The following RAP1GAP2 variants were observed in gnomAD, a reference collection of about 807,000 sequenced individuals.
RAP1GAP2 encodes the protein rap1 GTPase-activating protein 2.
A neutral mutation model predicts 95.0 loss-of-function variants in RAP1GAP2; 27 were observed. That is an observed-to-expected ratio of 0.28 (90% CI 0.21 to 0.39). The LOEUF (loss-of-function observed/expected upper bound fraction) is 0.39, where lower values mean the gene tolerates loss of function less well. RAP1GAP2 is among the 10% of genes least tolerant of loss of function. RAP1GAP2 has a pLI of 1.00. For missense variants in RAP1GAP2, 771 were observed against 970.0 expected (o/e 0.79, Z 2.72); for synonymous variants, 373 against 380.9 (o/e 0.98, Z 0.24).
At chr17:2,765,944 G>A (rs2068267785) in intron 1 of RAP1GAP2, among the ~76,000 whole-genome samples, 1 of 152,076 alleles carries the variant, frequency 6.6e-6, no homozygotes, top group African/African-American at 2.4e-5. Flanking sequence ...ACTCCAGCCT[G>A]GGTGACAGAG....
chr17:2,870,057 C>T lies in RAP1GAP2; in HGVS notation c.81-35227C>T, dbSNP rs565865802. ...CTCAGGGGTGGGAATCTGTATGGCC[C>T]CTGACCCCGGCATGGCCTCAGAACC... On this transcript the variant is annotated intron_variant, in intron 2 of 24. Coordinates refer to ENST00000254695, the MANE Select transcript of RAP1GAP2 (RefSeq NM_015085.5). This position sits in a 1 kb window ranked among gnomAD's most constrained non-coding sequence, Gnocchi z 4.4. 1.5e-3 allele frequency among the ~76,000 whole-genome samples: 234 copies of T among 151,918 alleles called. No homozygotes were observed. Among genetic ancestry groups the T allele is most frequent in the Admixed American group, 3.0e-3 (46 of 15,268 alleles).
intron 3 of RAP1GAP2, among the ~76,000 whole-genome samples, chr17:2,924,212 GA>G (rs2042881195): frequency 6.6e-6 from 1 of 152,222 alleles, no homozygotes; most frequent in Non-Finnish European, 1.5e-5. Context: ...TGGGAACTTT[GA>G]GAGTGCTCCT....
In RAP1GAP2 at chr17:2,874,597, C is replaced by T. The variant is rs528494431; in HGVS notation, c.81-30687C>T. On this transcript the variant is annotated intron_variant, in intron 2 of 24. Transcript: ENST00000254695. ...TGGAAAAGGGGGAGGGAGAAAGGAC[C>T]CGATCAAGGTCAACAGCCTGAACCA... Among the ~76,000 whole-genome samples, 7 of 152,190 alleles carry T rather than the reference C, an allele frequency of 4.6e-5. No individual in the cohort carries two copies. In the East Asian group the frequency reaches 1.4e-3, roughly 29 times the overall value.
At chr17:2,788,059 T>C (rs2068832860) in intron 1 of RAP1GAP2, among the ~76,000 whole-genome samples, 1 of 152,224 alleles carries the variant, frequency 6.6e-6, no homozygotes, top group Non-Finnish European at 1.5e-5. Flanking sequence ...TTAACATCTG[T>C]ATACATAGAT....
intron 1 of RAP1GAP2, among the ~76,000 whole-genome samples, chr17:2,757,896 G>A (rs2071174628): frequency 6.6e-6 from 1 of 150,658 alleles, no homozygotes; most frequent in Admixed American, 6.6e-5. Flanking sequence ...TTGAGATGGA[G>A]TCTCACACTG....
intron 2 of RAP1GAP2, among the ~76,000 whole-genome samples, chr17:2,882,839 G>A (rs1451264848): frequency 1.3e-5 from 2 of 152,222 alleles, no homozygotes; most frequent in African/African-American, 4.8e-5. Flanking sequence ...GAGGGAAGTA[G>A]GGACTCAAAC....
chr17:2,936,801 G>A (rs959448380), intron 3 of RAP1GAP2, among the ~76,000 whole-genome samples: 1 of 152,158 alleles, frequency 6.6e-6, no homozygotes, highest in Non-Finnish European at 1.5e-5. Context: ...CCTTGCAGGA[G>A]AGCCATTGCC....
chr17:2,913,350 G>A (rs1318135101), intron 3 of RAP1GAP2, among the ~76,000 whole-genome samples: 3 of 151,994 alleles, frequency 2.0e-5, no homozygotes, highest in South Asian at 2.1e-4. Flanking sequence ...GTGCAGTGGC[G>A]TAATCTCAGC....
At position 2,798,140 on chromosome 17, in the gene RAP1GAP2, C is replaced by G. The variant is rs183709466; in HGVS notation, c.44+1569C>G. Among the ~76,000 whole-genome samples the G allele has an allele frequency of 2.0e-3, 309 of 152,348 alleles. 1 individual carries two copies. The highest frequency in any genetic ancestry group is 7.0e-3 in the African/African-American group (292 of 41,588). On this transcript the variant is annotated intron_variant, in intron 1 of 24. Transcript: ENST00000254695. ...AGAAAGCAGAATTCCAAGTTCTTCT[C>G]TAGCAGCCCTTCTCACTGGGGCTTC... is the stretch of plus-strand genomic sequence containing the variant.
chr17:3,005,456 T>G lies in RAP1GAP2; in HGVS notation c.1272+16T>G. The G allele has an allele frequency of 6.2e-7, 1 of 1,606,392 alleles. No homozygotes were observed. Among genetic ancestry groups the G allele is most frequent in the Non-Finnish European group, 8.5e-7 (1 of 1,172,988 alleles). On this transcript the variant is annotated intron_variant, in intron 15 of 24. Coordinates refer to ENST00000254695, the MANE Select transcript of RAP1GAP2 (RefSeq NM_015085.5). The surrounding 1 kb of genome is among the most constrained non-coding windows in gnomAD (Gnocchi z 5.2). Reference sequence around the variant, plus strand: ...TTTCCAGAAGGTAGGACACTCTTCCTTCTGCCCCTCTCGCATCCACGATGC... The same window carrying G: ...TTTCCAGAAGGTAGGACACTCTTCCGTCTGCCCCTCTCGCATCCACGATGC...
intron 4 of RAP1GAP2, 140 bp from the exon 5 acceptor site, chr17:2,962,530 T>C (rs953402012): frequency 1.2e-6 from 1 of 833,772 alleles, no homozygotes; most frequent in Non-Finnish European, 1.9e-6. Flanking sequence ...CCTGGCCAGG[T>C]GTGATGTGTG....
At chr17:2,958,639 G>C (rs1478568755) in intron 4 of RAP1GAP2, among the ~76,000 whole-genome samples, 1 of 152,080 alleles carries the variant, frequency 6.6e-6, no homozygotes, top group African/African-American at 2.4e-5. Context: ...ATTAAAGGCA[G>C]CACTCAAAGG....
At chr17:2,975,982 G>A (rs2045102060) in intron 8 of RAP1GAP2, among the ~76,000 whole-genome samples, 1 of 152,244 alleles carries the variant, frequency 6.6e-6, no homozygotes, top group Non-Finnish European at 1.5e-5. Flanking sequence ...AAGAGGGCAC[G>A]TTCTGTTTTT....
chr17:2,766,765 C>T (rs980777496), intron 1 of RAP1GAP2, among the ~76,000 whole-genome samples: 1 of 152,182 alleles, frequency 6.6e-6, no homozygotes, highest in African/African-American at 2.4e-5. Context: ...AACCTTAGGA[C>T]ATCCCAGCCT....
intron 3 of RAP1GAP2, among the ~76,000 whole-genome samples, chr17:2,926,907 G>A (rs2042972665): frequency 6.7e-6 from 1 of 148,902 alleles, no homozygotes; most frequent in Admixed American, 6.7e-5. Context: ...TTGGGAGGTT[G>A]AGGCAGGATA....
At chr17:2,973,140 G>A (rs2044946673) in intron 8 of RAP1GAP2, among the ~76,000 whole-genome samples, 1 of 152,150 alleles carries the variant, frequency 6.6e-6, no homozygotes, top group Non-Finnish European at 1.5e-5. Flanking sequence ...TACCAGTGAT[G>A]TTTAGGAGCT....
intron 2 of RAP1GAP2, among the ~76,000 whole-genome samples, chr17:2,892,454 G>A (rs888905678): frequency 6.6e-6 from 1 of 152,120 alleles, no homozygotes; most frequent in South Asian, 2.1e-4. Flanking sequence ...CCTCATCTTG[G>A]GTGGCTCAGA....
At chr17:2,858,144 C>G (rs529156788) in intron 2 of RAP1GAP2, among the ~76,000 whole-genome samples, 1 of 152,182 alleles carries the variant, frequency 6.6e-6, no homozygotes, top group Non-Finnish European at 1.5e-5. Flanking sequence ...GTCACTGTGG[C>G]CTTGGGTGTG....
intron 2 of RAP1GAP2, among the ~76,000 whole-genome samples, chr17:2,885,701 T>C (rs2073470137): frequency 6.6e-6 from 1 of 152,232 alleles, no homozygotes; most frequent in Non-Finnish European, 1.5e-5. Flanking sequence ...GAATGGCCTC[T>C]TCCTGTCACC....
Sources: allele counts gnomAD v4.1 joint callset (sites outside exome capture counted in the v4.1 genomes callset), GRCh38; gene constraint gnomAD v4.1.1; non-coding constraint Gnocchi (gnomAD v3.1); transcripts MANE v1.5; gene names NCBI Gene and HGNC (gene_info 2026-07-23, HGNC 2026-07-21).